Variants in VPS26A observed in about 807,000 individuals in gnomAD.
The protein encoded by VPS26A is VPS26 retromer complex component A.
A neutral mutation model predicts 42.4 loss-of-function variants in VPS26A; 22 were observed. The ratio of observed to expected loss-of-function variants is 0.52; its 90% CI spans 0.37 to 0.74. The LOEUF (loss-of-function observed/expected upper bound fraction) is 0.74, where lower values mean the gene tolerates loss of function less well. Among genes scored for constraint, VPS26A ranks in the 30% least tolerant of loss-of-function variants. The pLI is 0.00. For missense variants in VPS26A, 276 were observed against 379.2 expected (o/e 0.73, Z 2.26); for synonymous variants, 110 against 123.5 (o/e 0.89, Z 0.73).
At chr10:69,163,138 A>C (rs1480524720) in intron 6 of VPS26A, among the ~76,000 whole-genome samples, 1 of 152,118 alleles carries the variant, frequency 6.6e-6, no homozygotes, top group African/African-American at 2.4e-5. Context: ...CATTTTATTG[A>C]TATACTAAAA....
chr10:69,166,035 G>A lies in VPS26A; in HGVS notation c.659-7G>A, dbSNP rs765330851. The A allele has an allele frequency of 6.2e-7, 1 of 1,610,700 alleles. No individual in the cohort carries two copies. Among genetic ancestry groups the A allele is most frequent in the South Asian group, 1.1e-5 (1 of 90,900 alleles). On this transcript the variant is annotated splice_region_variant and splice_polypyrimidine_tract_variant and intron_variant, in intron 6 of 8. Coordinates refer to ENST00000263559, the MANE Select transcript of VPS26A (RefSeq NM_004896.5). ...TTAAATTAATGTTATTTACATTATT[G>A]CACTAGGACCCAGTACCACAACAGA...
chr10:69,148,650 T>C (rs1313936835), intron 2 of VPS26A, among the ~76,000 whole-genome samples: 2 of 152,200 alleles, frequency 1.3e-5, no homozygotes, highest in Non-Finnish European at 2.9e-5. Flanking sequence ...TGTAGAATAA[T>C]GTAACTCCTT....
chr10:69,158,278 G>A, intron 5 of VPS26A, 67 bp downstream of exon 5: 1 of 1,287,452 alleles, frequency 7.8e-7, no homozygotes, highest in Non-Finnish European at 1.0e-6. Flanking sequence ...GTGTTTGTCA[G>A]TTGGTCAAAG....
intron 1 of VPS26A, 137 bp downstream of exon 1, chr10:69,124,417 C>G (rs182726340): frequency 1.0e-6 from 1 of 995,922 alleles, no homozygotes; most frequent in African/African-American, 1.7e-5. Flanking sequence ...GCCTGTCGGG[C>G]CACCCCTGGG....
chr10:69,158,823 T>C (rs7894788), intron 5 of VPS26A, among the ~76,000 whole-genome samples: 6,343 of 152,254 alleles, frequency 0.042, 463 homozygotes, highest in African/African-American at 0.14. Context: ...ATACTCCCCA[T>C]AGGTTATATT....
At chr10:69,162,358 T>A (rs1841582870) in intron 5 of VPS26A, 48 bp from the exon 6 acceptor site, 2 of 980,928 alleles carry the variant, frequency 2.0e-6, no homozygotes, top group Non-Finnish European at 3.1e-6. Context: ...TCACTGTTTT[T>A]GCTTGTTTTT....
Position 69,168,563 on chromosome 10 carries a change from T to A in VPS26A, c.802T>A (p.Phe268Ile), listed in dbSNP as rs1841744358. ...AACAATGAGAGATGTGAACAAAAAA[T>A]TTTCAGTAAGGTACTTTTTGAATTT... ...TPTMRDVNKK[F>I]SVRYFLNLVL... is the part of the protein sequence containing the mutation. The change falls in exon 8 of 9, where the codon TTT becomes ATT. Residue 268 changes from phenylalanine (F) to isoleucine (I), a missense_variant. Physicochemically the swap from Phe to Ile is conservative, Grantham distance 21. Coordinates refer to ENST00000263559, the MANE Select transcript of VPS26A (RefSeq NM_004896.5). 1 of 1,614,102 alleles carries A rather than the reference T, an allele frequency of 6.2e-7. No homozygotes were observed. Among genetic ancestry groups the A allele is most frequent in the Non-Finnish European group, 8.5e-7 (1 of 1,180,012 alleles).
rs1386860535 is a variant in VPS26A at position 69,171,541 on chromosome 10, T to C, written c.*272T>C. 1 of 288,364 alleles carries C rather than the reference T, an allele frequency of 3.5e-6. No individual in the cohort carries two copies. Among genetic ancestry groups the C allele is most frequent in the Non-Finnish European group, 6.4e-6 (1 of 156,362 alleles). 17.9% of individuals were successfully genotyped at this position (288,364 alleles called of 1,614,324 possible). A position where few individuals can be genotyped will look rare whatever the true frequency, so the allele number is the denominator to read the frequency against. On this transcript the variant is annotated 3_prime_UTR_variant, in exon 9 of 9. Coordinates refer to ENST00000263559, the MANE Select transcript of VPS26A (RefSeq NM_004896.5). ...AACTTCCTACTTTGATGATAAGCAC[T>C]CAGATATATATCAGCGTAAACATGA... is the stretch of plus-strand genomic sequence containing the variant.
intron 2 of VPS26A, among the ~76,000 whole-genome samples, chr10:69,139,083 C>T (rs187791768): frequency 1.4e-3 from 215 of 152,262 alleles, no homozygotes; most frequent in Admixed American, 5.5e-3. Context: ...ATATAGTGTG[C>T]ACCACCAGTC....
chr10:69,133,487 A>T, intron 2 of VPS26A: 1 of 1,064,812 alleles, frequency 9.4e-7, no homozygotes, highest in Non-Finnish European at 1.2e-6. Flanking sequence ...TTTGTAACTT[A>T]CCTCTCTGTA....
chr10:69,131,438 A>T (rs1589344152), intron 1 of VPS26A, among the ~76,000 whole-genome samples: 1 of 151,952 alleles, frequency 6.6e-6, no homozygotes, highest in East Asian at 1.9e-4. Flanking sequence ...AATTTTTTTA[A>T]AAAAGATCAT....
At chr10:69,146,481 A>T (rs1315926389) in intron 2 of VPS26A, among the ~76,000 whole-genome samples, 1 of 152,242 alleles carries the variant, frequency 6.6e-6, no homozygotes, top group Non-Finnish European at 1.5e-5. Flanking sequence ...AGTGGAATTA[A>T]TTCCATTGAT....
chr10:69,153,511 A>AT (rs1841366717), intron 2 of VPS26A, among the ~76,000 whole-genome samples: 1 of 111,330 alleles, frequency 9.0e-6, no homozygotes, highest in African/African-American at 2.8e-5. Flanking sequence ...ATACCCAGCT[A>AT]ATTTTTTTTT....
chr10:69,169,431 T>C (rs1298020000), intron 8 of VPS26A, among the ~76,000 whole-genome samples: 1 of 151,996 alleles, frequency 6.6e-6, no homozygotes, highest in Admixed American at 6.6e-5. Context: ...AATTTTTTTA[T>C]TTGAGACAGA....
In VPS26A at chr10:69,124,182, T is replaced by C; in HGVS notation, c.-96T>C. The C allele has an allele frequency of 8.1e-7, 1 of 1,231,096 alleles. No individual in the cohort carries two copies. Among genetic ancestry groups the C allele is most frequent in the Non-Finnish European group, 1.0e-6 (1 of 973,520 alleles). The allele number at this position is 1,231,096 out of a possible 1,614,324, so 76.3% of individuals were successfully genotyped here. A position where few individuals can be genotyped will look rare whatever the true frequency, so the allele number is the denominator to read the frequency against. ...GTCACGTGTGAGGGGCGGCCCGAGG[T>C]CACGTGACGGAGCGCCGGAGCGGAG... On this transcript the variant is annotated 5_prime_UTR_variant, in exon 1 of 9. Transcript: ENST00000263559.
intron 1 of VPS26A, among the ~76,000 whole-genome samples, chr10:69,126,291 G>A (rs985707106): frequency 9.9e-5 from 15 of 151,960 alleles, no homozygotes; most frequent in Non-Finnish European, 1.6e-4. Context: ...GCGAAACCCC[G>A]TCTTCACTAA....
At chr10:69,149,171 A>T (rs1213024046) in intron 2 of VPS26A, among the ~76,000 whole-genome samples, 2 of 152,340 alleles carry the variant, frequency 1.3e-5, no homozygotes, top group East Asian at 3.9e-4. Flanking sequence ...TAATAACTTT[A>T]AATTAGAGAA....
intron 2 of VPS26A, among the ~76,000 whole-genome samples, chr10:69,151,806 T>C (rs1227495179): frequency 6.6e-6 from 1 of 152,216 alleles, no homozygotes; most frequent in Non-Finnish European, 1.5e-5. Flanking sequence ...TGCTGCCATA[T>C]AGGTATTTTC....
intron 1 of VPS26A, among the ~76,000 whole-genome samples, chr10:69,129,041 A>G (rs899542414): frequency 1.1e-4 from 17 of 149,682 alleles, no homozygotes; most frequent in African/African-American, 4.2e-4. Flanking sequence ...TAATTTTTCT[A>G]TCTCTGTTTT....
Sources: allele counts gnomAD v4.1 joint callset (sites outside exome capture counted in the v4.1 genomes callset), GRCh38; gene constraint gnomAD v4.1.1; transcripts MANE v1.5; gene names NCBI Gene and HGNC (gene_info 2026-07-23, HGNC 2026-07-21).